MMP16: variants seen among roughly 807,000 people sequenced by gnomAD.
MMP16 encodes the protein matrix metalloproteinase-16.
MMP16 carries 12 observed loss-of-function variants against 67.8 expected under a neutral mutation model. The ratio of observed to expected loss-of-function variants is 0.18; its 90% CI spans 0.11 to 0.29. MMP16 has a LOEUF of 0.29. Ranked by LOEUF, MMP16 falls within the 10% of genes least tolerant of loss-of-function variation. The pLI is 1.00. For missense variants in MMP16, 475 were observed against 765.7 expected (o/e 0.62, Z 4.48); for synonymous variants, 249 against 255.9 (o/e 0.97, Z 0.26).
intron 1 of MMP16, among the ~76,000 whole-genome samples, chr8:88,233,545 G>GC (rs1278133866): frequency 6.6e-6 from 1 of 152,156 alleles, no homozygotes; most frequent in Non-Finnish European, 1.5e-5. Flanking sequence ...CTTTCATGAT[G>GC]CAAGTCTGAT....
intron 1 of MMP16, among the ~76,000 whole-genome samples, chr8:88,254,671 A>G (rs1810274823): frequency 6.6e-6 from 1 of 152,290 alleles, no homozygotes; most frequent in Admixed American, 6.5e-5. Flanking sequence ...ACCTGTACAT[A>G]ACAACACTGT....
At position 88,032,730 on chromosome 8, in the gene MMP16, A is replaced by T. The variant is rs969146820; in HGVS notation, c.*8731T>A. ...TGAAAAAAAAAATGCCAGATTTAAGATGGTATAAGTGTATAGAATCCTGTG... is the reference window on the plus strand; with the variant it reads ...TGAAAAAAAAAATGCCAGATTTAAGTTGGTATAAGTGTATAGAATCCTGTG... On this transcript the variant is annotated 3_prime_UTR_variant, in exon 10 of 10. Transcript: ENST00000286614. 6.6e-6 allele frequency: 1 copy of T among 152,070 alleles called. No homozygotes were observed. Among genetic ancestry groups the T allele is most frequent in the Non-Finnish European group, 1.5e-5 (1 of 67,998 alleles). The allele number at this position is 152,070 out of a possible 1,614,324, so 9.4% of individuals were successfully genotyped here. A position where few individuals can be genotyped will look rare whatever the true frequency, so the allele number is the denominator to read the frequency against.
At chr8:88,303,561 G>C (rs1346660280) in intron 1 of MMP16, among the ~76,000 whole-genome samples, 3 of 152,180 alleles carry the variant, frequency 2.0e-5, no homozygotes, top group Non-Finnish European at 4.4e-5. Flanking sequence ...TGCAGTTTAG[G>C]CTGGCAATAG....
At chr8:88,325,779 G>A (rs1811526861) in intron 1 of MMP16, among the ~76,000 whole-genome samples, 2 of 152,044 alleles carry the variant, frequency 1.3e-5, no homozygotes, top group African/African-American at 2.4e-5. Context: ...TAATATCTGT[G>A]AAGGTCTTTA....
intron 7 of MMP16, 96 bp downstream of exon 7, chr8:88,074,509 G>T (rs1174462311): frequency 1.9e-6 from 2 of 1,047,384 alleles, no homozygotes; most frequent in Non-Finnish European, 2.7e-6. Flanking sequence ...AAATCCATAG[G>T]CTATGTAATC....
intron 8 of MMP16, among the ~76,000 whole-genome samples, chr8:88,051,113 A>G (rs548322132): frequency 6.6e-6 from 1 of 152,324 alleles, no homozygotes; most frequent in Non-Finnish European, 1.5e-5. Flanking sequence ...TATTTCCAGT[A>G]AACTAGAATG....
chr8:88,106,004 A>G (rs1452751896), intron 6 of MMP16, among the ~76,000 whole-genome samples: 3 of 150,250 alleles, frequency 2.0e-5, no homozygotes, highest in Non-Finnish European at 4.5e-5. Context: ...GCAAATACAT[A>G]TACACACACA....
intron 1 of MMP16, among the ~76,000 whole-genome samples, chr8:88,201,631 T>G (rs1374620209): frequency 6.6e-6 from 1 of 152,174 alleles, no homozygotes; most frequent in East Asian, 1.9e-4. Flanking sequence ...AAATATATTC[T>G]GATATAATTA....
intron 1 of MMP16, among the ~76,000 whole-genome samples, chr8:88,241,481 T>G (rs1417605784): frequency 1.3e-5 from 2 of 152,098 alleles, no homozygotes; most frequent in Non-Finnish European, 2.9e-5. Context: ...ATGAGATTAT[T>G]TAGGTAGAGA....
At chr8:88,191,751 A>G (rs1349812398) in intron 2 of MMP16, among the ~76,000 whole-genome samples, 2 of 152,228 alleles carry the variant, frequency 1.3e-5, no homozygotes, top group Non-Finnish European at 2.9e-5. Flanking sequence ...TTGGGCATTC[A>G]TGCCAAACAC....
At chr8:88,258,168 A>G (rs1232414942) in intron 1 of MMP16, among the ~76,000 whole-genome samples, 1 of 152,036 alleles carries the variant, frequency 6.6e-6, no homozygotes, top group African/African-American at 2.4e-5. Flanking sequence ...CTTCTTTTGA[A>G]CAGGACTTGC....
At chr8:88,085,020 G>A (rs1808811213) in intron 6 of MMP16, among the ~76,000 whole-genome samples, 1 of 151,480 alleles carries the variant, frequency 6.6e-6, no homozygotes, top group African/African-American at 2.4e-5. Context: ...TCATTTGACT[G>A]TAACATATGT....
chr8:88,326,997 A>G (rs1811549534), intron 1 of MMP16, 78 bp downstream of exon 1: 2 of 1,577,898 alleles, frequency 1.3e-6, no homozygotes, highest in South Asian at 1.1e-5. Context: ...CTGAGCTACA[A>G]GGATCCCAGG....
chr8:88,051,378 C>T (rs1808268965), intron 8 of MMP16, among the ~76,000 whole-genome samples: 1 of 152,016 alleles, frequency 6.6e-6, no homozygotes, highest in Non-Finnish European at 1.5e-5. Flanking sequence ...TCATGGAAAA[C>T]ATTGAAATTT....
At chr8:88,257,827 G>C (rs935451674) in intron 1 of MMP16, among the ~76,000 whole-genome samples, 1 of 152,098 alleles carries the variant, frequency 6.6e-6, no homozygotes, top group African/African-American at 2.4e-5. Context: ...GATACAAAAA[G>C]AAACAATACT....
chr8:88,075,655 A>T (rs28991880), intron 6 of MMP16, among the ~76,000 whole-genome samples: 4 of 152,142 alleles, frequency 2.6e-5, no homozygotes, highest in African/African-American at 9.7e-5. Flanking sequence ...TTTAAAAACT[A>T]GGTGTATTTT....
chr8:88,261,368 A>G (rs1307262893), intron 1 of MMP16, among the ~76,000 whole-genome samples: 1 of 152,148 alleles, frequency 6.6e-6, no homozygotes, highest in Admixed American at 6.5e-5. Flanking sequence ...CCAGAAAAAT[A>G]TGTTACTGTA....
At chr8:88,087,351 T>G (rs1427556716) in intron 6 of MMP16, among the ~76,000 whole-genome samples, 1 of 151,866 alleles carries the variant, frequency 6.6e-6, no homozygotes, top group Non-Finnish European at 1.5e-5. Flanking sequence ...TGCCTCCTAT[T>G]CCCCCAAAGA....
At chr8:88,081,770 G>A (rs1410984822) in intron 6 of MMP16, among the ~76,000 whole-genome samples, 1 of 151,824 alleles carries the variant, frequency 6.6e-6, no homozygotes, top group Non-Finnish European at 1.5e-5. Context: ...TTTATAAACA[G>A]CTCAAATTTT....
Sources: gnomAD v4.1 joint callset for allele counts (sites outside exome capture counted in the v4.1 genomes callset) on GRCh38, gnomAD v4.1.1 for gene constraint, MANE v1.5 for transcripts, NCBI Gene and HGNC (gene_info 2026-07-23, HGNC 2026-07-21) for gene names.